TRERF1: variants seen among roughly 807,000 people sequenced by gnomAD.
The protein encoded by TRERF1 is transcriptional-regulating factor 1.
Under a neutral mutation model 122.9 loss-of-function variants are expected in TRERF1, and 27 were observed. The observed-to-expected ratio is 0.22, with a 90% CI of 0.16 to 0.30. TRERF1 has a LOEUF of 0.30. Among genes scored for constraint, TRERF1 ranks in the 10% least tolerant of loss-of-function variants. The pLI is 1.00. For missense variants in TRERF1, 1,248 were observed against 1,560.3 expected, an observed-to-expected ratio of 0.80 and a Z score of 3.37; for synonymous variants, 636 against 641.7, an observed-to-expected ratio of 0.99 and a Z score of 0.13.
In TRERF1 at chr6:42,263,646, G is replaced by C; in HGVS notation, c.1636-78C>G. 7.1e-7 allele frequency: 1 copy of C among 1,403,664 alleles called. No individual in the cohort carries two copies. Among genetic ancestry groups the C allele is most frequent in the Non-Finnish European group, 9.3e-7 (1 of 1,074,310 alleles). The allele number at this position is 1,403,664 out of a possible 1,614,324, so 87.0% of individuals were successfully genotyped here. On this transcript the variant is annotated intron_variant, in intron 7 of 17. Coordinates refer to ENST00000372922, the Ensembl canonical transcript of TRERF1. This position sits in a 1 kb window ranked among gnomAD's most constrained non-coding sequence, Gnocchi z 5.6. ...GGGATGCACTTTGCTTTTCCCGAAA[G>C]GTTCCAGGACATCAGGTATGGGTGA...
intron 2 of TRERF1, among the ~76,000 whole-genome samples, chr6:42,421,943 G>A (rs566346277): frequency 4.6e-4 from 70 of 151,630 alleles, no homozygotes; most frequent in Non-Finnish European, 7.9e-4. Flanking sequence ...TGAGCCAGGC[G>A]GCTCACTTGA....
chr6:42,287,067 T>C (rs1232328895), intron 4 of TRERF1, among the ~76,000 whole-genome samples: 1 of 147,388 alleles, frequency 6.8e-6, no homozygotes, highest in Admixed American at 6.8e-5. Flanking sequence ...CCGCATATTC[T>C]CACTCATAGG....
chr6:42,445,306 T>A (rs1464710601), intron 2 of TRERF1, among the ~76,000 whole-genome samples: 1 of 148,894 alleles, frequency 6.7e-6, no homozygotes, highest in African/African-American at 2.5e-5. Context: ...ACAAATCCAA[T>A]GGTGATTTTT....
At chr6:42,419,129 G>A (rs372090217) in intron 2 of TRERF1, among the ~76,000 whole-genome samples, 13 of 152,222 alleles carry the variant, frequency 8.5e-5, no homozygotes, top group East Asian at 3.9e-4. Flanking sequence ...CTTTTTAAAC[G>A]AACTATTTGA....
intron 4 of TRERF1, among the ~76,000 whole-genome samples, chr6:42,278,488 A>T (rs60450564): frequency 0.057 from 8,609 of 152,228 alleles, 298 homozygotes; most frequent in African/African-American, 0.096. Flanking sequence ...AAATACAGAG[A>T]TCCTGTGGGA....
At chr6:42,285,336 T>A (rs1382395549) in intron 4 of TRERF1, among the ~76,000 whole-genome samples, 1 of 152,000 alleles carries the variant, frequency 6.6e-6, no homozygotes, top group African/African-American at 2.4e-5. Context: ...TGATTTTGTA[T>A]CCTGAGACTT....
At position 42,276,991 on chromosome 6, in the gene TRERF1, C is replaced by T. The variant is rs1395079343; in HGVS notation, c.-258-7143G>A. Among the ~76,000 whole-genome samples, 2 of 152,184 alleles carry T rather than the reference C, an allele frequency of 1.3e-5. No homozygotes were observed. The highest frequency in any genetic ancestry group is 6.5e-5 in the Admixed American group (1 of 15,278). On this transcript the variant is annotated intron_variant, in intron 4 of 17. Coordinates refer to ENST00000372922, the Ensembl canonical transcript of TRERF1. The surrounding 1 kb of genome is among the most constrained non-coding windows in gnomAD (Gnocchi z 4.3). ...TAGGAAATAGAGATTGGACCGATTT[C>T]ACTTTTTGGTTGTCACTGTCACTGC...
intron 3 of TRERF1, among the ~76,000 whole-genome samples, chr6:42,343,381 G>A (rs541523739): frequency 7.9e-5 from 12 of 152,256 alleles, no homozygotes; most frequent in African/African-American, 2.4e-4. Flanking sequence ...TGTACCTGCC[G>A]CATAAAACTA....
chr6:42,326,822 G>A (rs973049665), intron 3 of TRERF1, among the ~76,000 whole-genome samples: 7 of 152,200 alleles, frequency 4.6e-5, no homozygotes, highest in Non-Finnish European at 8.8e-5. Context: ...AGCCAGACTG[G>A]TAGCCTAATA....
At chr6:42,355,337 T>C (rs1770307518) in intron 3 of TRERF1, among the ~76,000 whole-genome samples, 1 of 152,212 alleles carries the variant, frequency 6.6e-6, no homozygotes, top group South Asian at 2.1e-4. Context: ...TTGAACAACT[T>C]ATATGAACCA....
Position 42,259,595 on chromosome 6 carries a change from C to T in TRERF1, c.2013G>A (p.Pro671=), listed in dbSNP as rs758366990. ...CGCCCGAGTAGGAGGCAGCGGGGTTCGGGTTGTAGGAGGGCGGCGGCGGGA... is the reference window on the plus strand; with the variant it reads ...CGCCCGAGTAGGAGGCAGCGGGGTTTGGGTTGTAGGAGGGCGGCGGCGGGA... Residue 671 remains proline, a synonymous_variant, in exon 9 of 18, where the codon CCG becomes CCA. Coordinates refer to ENST00000372922, the Ensembl canonical transcript of TRERF1. This position sits in a 1 kb window ranked among gnomAD's most constrained non-coding sequence, Gnocchi z 4.9. The T allele has an allele frequency of 2.5e-6, 4 of 1,613,798 alleles. No individual in the cohort carries two copies. Among genetic ancestry groups the T allele is most frequent in the Admixed American group, 1.7e-5 (1 of 60,014 alleles).
intron 3 of TRERF1, among the ~76,000 whole-genome samples, chr6:42,347,730 G>A (rs938762238): frequency 6.6e-6 from 1 of 152,136 alleles, no homozygotes; most frequent in Non-Finnish European, 1.5e-5. Context: ...TGAACCAAAT[G>A]ATCAAGGAGA....
rs146890685 is a variant in TRERF1, at chr6:42,374,558, C to A, written c.-453-11479G>T. On this transcript the variant is annotated intron_variant, in intron 2 of 17. Coordinates refer to ENST00000372922, the Ensembl canonical transcript of TRERF1. ...TGTAAATAGTCCTCTCCAGTTAAACCCTCTGTGTGTACCAGTCATTTCCTG... is the reference window on the plus strand; with the variant it reads ...TGTAAATAGTCCTCTCCAGTTAAACACTCTGTGTGTACCAGTCATTTCCTG... Among the ~76,000 whole-genome samples the A allele has an allele frequency of 4.6e-5, 7 of 152,262 alleles. No homozygotes were observed. The East Asian group carries it at 1.4e-3, about 29-fold the overall frequency.
chr6:42,419,266 C>T (rs1410376550), intron 2 of TRERF1, among the ~76,000 whole-genome samples: 1 of 134,476 alleles, frequency 7.4e-6, no homozygotes, highest in Non-Finnish European at 1.6e-5. Context: ...CCACCCCCCG[C>T]CCCGGCTTCT....
intron 2 of TRERF1, among the ~76,000 whole-genome samples, chr6:42,411,933 ATT>A (rs778674974): frequency 7.3e-5 from 11 of 151,200 alleles, no homozygotes; most frequent in Non-Finnish European, 1.6e-4. Flanking sequence ...GACACCGTGG[ATT>A]CTGTTTTTCA....
At chr6:42,314,619 G>A (rs1762190543) in intron 3 of TRERF1, among the ~76,000 whole-genome samples, 1 of 152,196 alleles carries the variant, frequency 6.6e-6, no homozygotes, top group South Asian at 2.1e-4. Flanking sequence ...AAAGTGTATA[G>A]TGTATTAGAT....
rs142257528 is a variant in TRERF1 at position 42,228,533 on chromosome 6, C to A, written c.3415G>T (p.Val1139Leu). ...AGGGGCAGCAGCCCCGGCGCCCCCA[C>A]GGGCCCCGTAGTCCTCTCAATCGTG... Residue 1139 changes from valine to leucine, a missense_variant, in exon 18 of 18, where the codon GTG (valine) becomes TTG (leucine). This residue lies in a region of TRERF1 where 84 missense variants were observed against 116.0 expected (regional missense o/e 0.72). Transcript: ENST00000372922. The surrounding 1 kb of genome is among the most constrained non-coding windows in gnomAD (Gnocchi z 4.2). 6.2e-7 allele frequency: 1 copy of A among 1,614,198 alleles called. No homozygotes were observed. Among genetic ancestry groups the A allele is most frequent in the Non-Finnish European group, 8.5e-7 (1 of 1,180,042 alleles).
intron 3 of TRERF1, among the ~76,000 whole-genome samples, chr6:42,306,413 C>T (rs1412248870): frequency 6.6e-6 from 1 of 152,174 alleles, no homozygotes; most frequent in Non-Finnish European, 1.5e-5. Context: ...GGGATATAGG[C>T]AGATCACTTA....
intron 4 of TRERF1, among the ~76,000 whole-genome samples, chr6:42,272,411 A>T (rs991830608): frequency 1.3e-5 from 2 of 152,190 alleles, no homozygotes; most frequent in Admixed American, 1.3e-4. Context: ...GCTGGGCGTG[A>T]GAGTGCTGAG....
Sources: allele counts gnomAD v4.1 joint callset (sites outside exome capture counted in the v4.1 genomes callset), GRCh38; gene constraint gnomAD v4.1.1; regional missense constraint gnomAD v4.1.1; non-coding constraint Gnocchi (gnomAD v3.1); transcripts MANE v1.5; gene names NCBI Gene and HGNC (gene_info 2026-07-23, HGNC 2026-07-21).